Variants in ZC3H12B observed in about 807,000 individuals in gnomAD.
ZC3H12B encodes the protein probable ribonuclease ZC3H12B.
ZC3H12B carries 7 observed loss-of-function variants against 43.9 expected under a neutral mutation model. That is an observed-to-expected ratio of 0.16 (90% CI 0.09 to 0.30). The LOEUF is 0.30. ZC3H12B is among the 10% of genes least tolerant of loss of function. The probability of loss-of-function intolerance (pLI) is 1.00; values close to 1 mark genes in which losing one functional copy is unlikely to be tolerated. For missense variants in ZC3H12B, 475 were observed against 670.2 expected, an observed-to-expected ratio of 0.71 and a Z score of 3.22; for synonymous variants, 222 against 241.7, an observed-to-expected ratio of 0.92 and a Z score of 0.76.
chrX:65,090,094 A>C, the ZC3H12B span, among the ~76,000 whole-genome samples: 2 of 112,554 alleles, frequency 1.8e-5, no homozygotes, highest in African/African-American at 6.5e-5. Context: ...ATTATTATCA[A>C]GTATTATGTA....
the ZC3H12B span, among the ~76,000 whole-genome samples, chrX:65,348,379 G>A: frequency 9.0e-6 from 1 of 111,554 alleles, no homozygotes; most frequent in Non-Finnish European, 1.9e-5. Flanking sequence ...AACATGGAAA[G>A]GAACAGCCAG....
At chrX:65,227,652 G>C in the ZC3H12B span, among the ~76,000 whole-genome samples, 3 of 110,843 alleles carry the variant, frequency 2.7e-5, no homozygotes, top group Admixed American at 9.6e-5. Context: ...TAATAAAGAA[G>C]AAAAGAGAGA....
intron 3 of ZC3H12B, among the ~76,000 whole-genome samples, chrX:65,471,954 A>G (rs2067920946): frequency 8.9e-6 from 1 of 111,832 alleles, no homozygotes; most frequent in South Asian, 3.7e-4. Context: ...GCGCATATCT[A>G]TCTTTTGTTT....
the ZC3H12B span, among the ~76,000 whole-genome samples, chrX:65,360,842 C>G: frequency 8.9e-6 from 1 of 112,052 alleles, no homozygotes; most frequent in African/African-American, 3.2e-5. Context: ...TTCTATCAGG[C>G]AGAAGAAAAA....
the ZC3H12B span, among the ~76,000 whole-genome samples, chrX:65,323,756 G>T: frequency 1.5e-4 from 17 of 111,818 alleles, no homozygotes; most frequent in African/African-American, 5.5e-4. Flanking sequence ...CTAGATCCTG[G>T]AGGAATTGCC....
chrX:65,438,003 C>T (rs1270610823), intron 3 of ZC3H12B, among the ~76,000 whole-genome samples: 1 of 112,318 alleles, frequency 8.9e-6, no homozygotes, highest in Non-Finnish European at 1.9e-5. Context: ...ATTGTCCTTT[C>T]CCCATTATAT....
At chrX:65,189,363 A>T in the ZC3H12B span, among the ~76,000 whole-genome samples, 1 of 81,587 alleles carries the variant, frequency 1.2e-5, no homozygotes, top group Admixed American at 1.3e-4. Flanking sequence ...ATCCCTGAGG[A>T]ATTGCCACAC....
At chrX:65,459,658 T>C (rs2067702034) in intron 3 of ZC3H12B, among the ~76,000 whole-genome samples, 2 of 111,439 alleles carry the variant, frequency 1.8e-5, no homozygotes, top group Non-Finnish European at 3.8e-5. Flanking sequence ...AATTCAACAG[T>C]CCCTCATGCT....
the ZC3H12B span, among the ~76,000 whole-genome samples, chrX:65,093,952 T>C: frequency 9.0e-6 from 1 of 111,469 alleles, no homozygotes; most frequent in South Asian, 3.8e-4. Context: ...CCAAATATCA[T>C]GTTGAATTTT....
chrX:65,397,787 C>G (rs951398976), intron 2 of ZC3H12B, among the ~76,000 whole-genome samples: 1 of 111,614 alleles, frequency 9.0e-6, no homozygotes, highest in African/African-American at 3.3e-5. Flanking sequence ...CTAGACCAAT[C>G]AGATAAGAGA....
At chrX:65,265,200 G>T in the ZC3H12B span, among the ~76,000 whole-genome samples, 2 of 112,090 alleles carry the variant, frequency 1.8e-5, no homozygotes, top group African/African-American at 3.2e-5. Context: ...GATGCTCAGA[G>T]AAGTTAATTA....
At chrX:65,391,240 A>G (rs1377621754) in intron 2 of ZC3H12B, among the ~76,000 whole-genome samples, 1 of 112,306 alleles carries the variant, frequency 8.9e-6, no homozygotes, top group Non-Finnish European at 1.9e-5. Flanking sequence ...ATCTATTTAT[A>G]CCTTATTTCC....
chrX:65,203,172 G>A, the ZC3H12B span, among the ~76,000 whole-genome samples: 2 of 112,069 alleles, frequency 1.8e-5, no homozygotes, highest in Non-Finnish European at 3.8e-5. Flanking sequence ...TGCCAGAAAT[G>A]CCATACAGGA....
the ZC3H12B span, among the ~76,000 whole-genome samples, chrX:65,290,454 A>T: frequency 3.6e-5 from 4 of 111,120 alleles, no homozygotes; most frequent in African/African-American, 9.8e-5. Flanking sequence ...GTAAATAAAT[A>T]AAAAAAACCT....
the ZC3H12B span, among the ~76,000 whole-genome samples, chrX:65,343,329 G>A: frequency 8.0e-4 from 90 of 111,921 alleles, no homozygotes; most frequent in East Asian, 0.024. Flanking sequence ...CATTCTATGA[G>A]GACAGCATCA....
the ZC3H12B span, among the ~76,000 whole-genome samples, chrX:65,092,018 G>C: frequency 9.0e-6 from 1 of 111,209 alleles, no homozygotes; most frequent in Non-Finnish European, 1.9e-5. Flanking sequence ...CCATCCCTTT[G>C]GTGCCATTAT....
chrX:65,058,137 C>T, the ZC3H12B span, among the ~76,000 whole-genome samples: 1 of 112,109 alleles, frequency 8.9e-6, no homozygotes, highest in Admixed American at 9.4e-5. Flanking sequence ...AGCTGCATTC[C>T]TTTGGAGGGG....
At chrX:65,287,144 TA>T in the ZC3H12B span, among the ~76,000 whole-genome samples, 1 of 110,654 alleles carries the variant, frequency 9.0e-6, no homozygotes, top group African/African-American at 3.3e-5. Flanking sequence ...AGAACATCAA[TA>T]AGAAAAAAAT....
chrX:65,489,294 C>A, exon 1 of ZC3H12B: 1 of 1,211,383 alleles, frequency 8.3e-7, no homozygotes, highest in Non-Finnish European at 1.1e-6. Context: ...TCTGTTAGTG[C>A]CTCGTGGGCC....
Sources: allele counts gnomAD v4.1 joint callset (sites outside exome capture counted in the v4.1 genomes callset), GRCh38; gene constraint gnomAD v4.1.1; transcripts MANE v1.5; gene names NCBI Gene and HGNC (gene_info 2026-07-23, HGNC 2026-07-21).